The following PTPRM variants were observed in gnomAD, a reference collection of about 807,000 sequenced individuals.
PTPRM encodes the protein receptor-type tyrosine-protein phosphatase mu.
Under a neutral mutation model 186.7 loss-of-function variants are expected in PTPRM, and 47 were observed. The observed-to-expected ratio is 0.25, with a 90% CI of 0.20 to 0.32. PTPRM has a LOEUF of 0.32. PTPRM is among the 10% of genes least tolerant of loss of function. PTPRM has a pLI of 1.00. For missense variants in PTPRM, 1,494 were observed against 1,865.0 expected (o/e 0.80, Z 3.66); for synonymous variants, 668 against 674.9 (o/e 0.99, Z 0.16).
At chr18:8,213,987 T>A (rs2094043229) in intron 14 of PTPRM, among the ~76,000 whole-genome samples, 1 of 152,196 alleles carries the variant, frequency 6.6e-6, no homozygotes, top group Non-Finnish European at 1.5e-5. Flanking sequence ...GAAGCCATTA[T>A]TCTAAATGAA....
At chr18:7,931,387 T>C (rs1002025480) in intron 5 of PTPRM, among the ~76,000 whole-genome samples, 3 of 152,220 alleles carry the variant, frequency 2.0e-5, no homozygotes, top group African/African-American at 7.2e-5. Flanking sequence ...CTTTTTATAC[T>C]TTCTGTACAC....
chr18:7,794,856 A>G (rs572666455), intron 2 of PTPRM, among the ~76,000 whole-genome samples: 1 of 152,156 alleles, frequency 6.6e-6, no homozygotes, highest in African/African-American at 2.4e-5. Flanking sequence ...TTGGACCTCA[A>G]GTTGCCCTGT....
At chr18:8,165,382 C>T (rs567427203) in intron 14 of PTPRM, among the ~76,000 whole-genome samples, 5 of 152,086 alleles carry the variant, frequency 3.3e-5, no homozygotes, top group African/African-American at 1.2e-4. Flanking sequence ...ACTGTCCAGC[C>T]GATAGCAAGA....
intron 7 of PTPRM, among the ~76,000 whole-genome samples, chr18:7,966,594 TGCGCGCACCGTGCGCGA>T (rs1428965223): frequency 6.9e-6 from 1 of 144,238 alleles, no homozygotes. Flanking sequence ...GGTCAGTGGG[TGCGCGCACCGTGCGCGA>T]GCCGAAGCAG....
At position 7,917,222 on chromosome 18, in the gene PTPRM, T is replaced by A. The variant is rs188917394; in HGVS notation, c.548-9346T>A. On this transcript the variant is annotated intron_variant, in intron 4 of 32. Transcript: ENST00000580170. ...GTTTGACAATTTATGTCAAATGTCTTTTAAAATGTGTGTTTTAAAAATTAT... is the reference window on the plus strand; with the variant it reads ...GTTTGACAATTTATGTCAAATGTCTATTAAAATGTGTGTTTTAAAAATTAT... Among the ~76,000 whole-genome samples, 6 of 152,336 alleles carry A rather than the reference T, an allele frequency of 3.9e-5. No individual in the cohort carries two copies. In the East Asian group the frequency reaches 1.2e-3, roughly 29 times the overall value.
chr18:8,256,777 G>A lies in PTPRM; in HGVS notation c.2754+3363G>A, dbSNP rs146346051. Among the ~76,000 whole-genome samples, 406 of 152,346 alleles carry A rather than the reference G, an allele frequency of 2.7e-3. 2 individuals carry two copies. Among genetic ancestry groups the A allele is most frequent in the East Asian group, 6.6e-3 (34 of 5,184 alleles). ...TCTATGGATTAAGAGTTTAAGAACT[G>A]AGAAAATAAATTTTAAGAAATATAT... is the stretch of plus-strand genomic sequence containing the variant. On this transcript the variant is annotated intron_variant, in intron 19 of 32. Transcript: ENST00000580170.
chr18:8,105,864 C>A (rs896659488), intron 11 of PTPRM, among the ~76,000 whole-genome samples: 1 of 152,152 alleles, frequency 6.6e-6, no homozygotes, highest in Non-Finnish European at 1.5e-5. Flanking sequence ...AATGGATATC[C>A]AGTGAAGTAC....
chr18:7,765,780 T>C (rs1225577208), intron 1 of PTPRM, among the ~76,000 whole-genome samples: 2 of 152,214 alleles, frequency 1.3e-5, no homozygotes, highest in Non-Finnish European at 1.5e-5. Context: ...TTTAATACTT[T>C]ATGCATTTGA....
intron 2 of PTPRM, among the ~76,000 whole-genome samples, chr18:7,823,493 G>T (rs2045319344): frequency 6.6e-6 from 1 of 152,150 alleles, no homozygotes; most frequent in African/African-American, 2.4e-5. Flanking sequence ...GTGTCTGTGA[G>T]GGTGCTGCCA....
chr18:7,639,604 C>G (rs962093501), intron 1 of PTPRM, among the ~76,000 whole-genome samples: 1 of 149,996 alleles, frequency 6.7e-6, no homozygotes, highest in African/African-American at 2.5e-5. Context: ...CTGGGCTGGT[C>G]TGGTCTCGAA....
intron 9 of PTPRM, among the ~76,000 whole-genome samples, chr18:8,084,432 G>C (rs978769055): frequency 6.6e-6 from 1 of 152,094 alleles, no homozygotes; most frequent in African/African-American, 2.4e-5. Context: ...GAGGAAGTCT[G>C]TTAGAGGATT....
intron 21 of PTPRM, among the ~76,000 whole-genome samples, chr18:8,317,906 TG>T (rs1447071667): frequency 1.3e-5 from 2 of 152,182 alleles, no homozygotes; most frequent in Non-Finnish European, 2.9e-5. Flanking sequence ...GTTGCCCTTG[TG>T]GGACTTAGCA....
chr18:8,344,474 A>C lies in PTPRM; in HGVS notation c.3054+954A>C, dbSNP rs7234431. Among the ~76,000 whole-genome samples, 740 of 147,280 alleles carry C rather than the reference A, an allele frequency of 5.0e-3. 4 individuals are homozygous for C. Among genetic ancestry groups the C allele is most frequent in the Non-Finnish European group, 5.3e-3 (359 of 67,560 alleles). On this transcript the variant is annotated intron_variant, in intron 23 of 32. Transcript: ENST00000580170. Reference sequence around the variant, plus strand: ...TATATATATATATATATATATATATATCTAGCAAAAATGGCACATTAACCT... The same window carrying C: ...TATATATATATATATATATATATATCTCTAGCAAAAATGGCACATTAACCT...
Position 8,244,095 on chromosome 18 carries a change from A to G in PTPRM, c.2338A>G (p.Thr780Ala). 6.2e-7 allele frequency: 1 copy of G among 1,609,782 alleles called. No individual in the cohort carries two copies. The highest frequency in any genetic ancestry group is 8.5e-7 in the Non-Finnish European group (1 of 1,178,698). The change falls in exon 15 of 33, where the codon ACC becomes GCC. Residue 780 changes from threonine to alanine, a missense_variant. Coordinates refer to ENST00000580170, the MANE Select transcript of PTPRM (RefSeq NM_001105244.2). ...GAAGCGGAAAGAGACCATGAGCAGCACCCGACAGGAGATGACTGTGATGGT... is the reference window on the plus strand; with the variant it reads ...GAAGCGGAAAGAGACCATGAGCAGCGCCCGACAGGAGATGACTGTGATGGT... ...AKKRKETMSSTRQEMTVMVNS... is the reference protein window; with the variant it reads ...AKKRKETMSSARQEMTVMVNS...
intron 7 of PTPRM, among the ~76,000 whole-genome samples, chr18:8,004,326 T>C (rs12956144): frequency 0.099 from 15,117 of 152,106 alleles, 809 homozygotes; most frequent in South Asian, 0.17. Flanking sequence ...TTTATGTAAA[T>C]TGTGTGTGTG....
chr18:7,652,010 A>C (rs1033621376), intron 1 of PTPRM, among the ~76,000 whole-genome samples: 8 of 152,376 alleles, frequency 5.3e-5, no homozygotes, highest in African/African-American at 1.9e-4. Context: ...TCTTCTGACA[A>C]AGGGCTAATA....
In PTPRM at chr18:7,567,614, G is replaced by A. The variant is rs1247878654; in HGVS notation, c.-205G>A. Reference sequence around the variant, plus strand: ...ACGCCGAGTGGGGCCAGGGACAGGGGAGGAGGACCCAGGACCCTGTGCCCG... The same window carrying A: ...ACGCCGAGTGGGGCCAGGGACAGGGAAGGAGGACCCAGGACCCTGTGCCCG... On this transcript the variant is annotated 5_prime_UTR_variant, in exon 1 of 33. Coordinates refer to ENST00000580170, the MANE Select transcript of PTPRM (RefSeq NM_001105244.2). This position sits in a 1 kb window ranked among gnomAD's most constrained non-coding sequence, Gnocchi z 4.3. 1.1e-5 allele frequency: 5 copies of A among 451,008 alleles called. No individual in the cohort carries two copies. The East Asian group carries it at 1.4e-4, about 13-fold the overall frequency. The allele number at this position is 451,008 out of a possible 1,614,324, so 27.9% of individuals were successfully genotyped here.
intron 11 of PTPRM, among the ~76,000 whole-genome samples, chr18:8,108,590 T>C (rs1275740700): frequency 6.6e-6 from 1 of 152,234 alleles, no homozygotes; most frequent in East Asian, 1.9e-4. Flanking sequence ...TTATCACATT[T>C]GAACTTTCAA....
intron 14 of PTPRM, among the ~76,000 whole-genome samples, chr18:8,238,977 T>C (rs1295158244): frequency 8.3e-6 from 1 of 120,818 alleles, no homozygotes; most frequent in Non-Finnish European, 1.7e-5. Context: ...ACATAGCTTC[T>C]CTTTTTTTTT....
Sources: allele counts gnomAD v4.1 joint callset (sites outside exome capture counted in the v4.1 genomes callset), GRCh38; gene constraint gnomAD v4.1.1; non-coding constraint Gnocchi (gnomAD v3.1); transcripts MANE v1.5; gene names NCBI Gene and HGNC (gene_info 2026-07-23, HGNC 2026-07-21).